The following NYAP2 variants were observed in gnomAD, a reference collection of about 807,000 sequenced individuals.
NYAP2 encodes neuronal tyrosine-phosphorylated phosphoinositide-3-kinase adaptor 2.
In NYAP2, 23 loss-of-function variants were observed where a neutral mutation model predicts 50.4. That is an observed-to-expected ratio of 0.46 (90% confidence interval 0.33 to 0.65). NYAP2 has a LOEUF of 0.65. NYAP2 is among the 30% of genes least tolerant of loss of function. NYAP2 has a pLI of 0.02. For missense variants in NYAP2, 885 were observed against 861.0 expected (o/e 1.03, Z -0.35); for synonymous variants, 394 against 365.2 (o/e 1.08, Z -0.90).
the NYAP2 span, among the ~76,000 whole-genome samples, chr2:225,682,380 A>C: frequency 3.3e-4 from 50 of 152,192 alleles, 1 homozygote; most frequent in Admixed American, 1.6e-3. Context: ...TAAAATGAGG[A>C]AGAAGATATG....
At chr2:225,483,986 A>G (rs925471023) in intron 3 of NYAP2, among the ~76,000 whole-genome samples, 4 of 152,212 alleles carry the variant, frequency 2.6e-5, no homozygotes, top group Non-Finnish European at 4.4e-5. Context: ...CACACTTGCC[A>G]AGGTTGTGGT....
At chr2:225,606,789 A>C (rs1007411339) in intron 5 of NYAP2, among the ~76,000 whole-genome samples, 2 of 152,114 alleles carry the variant, frequency 1.3e-5, no homozygotes, top group Non-Finnish European at 2.9e-5. Flanking sequence ...ATTCTCTTGA[A>C]TATCTCATAA....
intron 5 of NYAP2, among the ~76,000 whole-genome samples, chr2:225,584,242 G>A (rs1692352468): frequency 6.6e-6 from 1 of 152,070 alleles, no homozygotes; most frequent in Non-Finnish European, 1.5e-5. Flanking sequence ...AAAAGCCATG[G>A]TGATTTTACA....
At chr2:225,657,628 CA>C (rs1222682645), downstream of NYAP2, among the ~76,000 whole-genome samples, 2 of 133,664 alleles carry the variant, frequency 1.5e-5, no homozygotes, top group Non-Finnish European at 3.3e-5. Flanking sequence ...AAAGTAAAAA[CA>C]AAAACCAAAA....
intron 5 of NYAP2, among the ~76,000 whole-genome samples, chr2:225,624,873 G>A (rs1029834273): frequency 4.0e-5 from 6 of 151,472 alleles, no homozygotes; most frequent in African/African-American, 1.2e-4. Context: ...GAGGTGACAT[G>A]GGTCACAGCC....
chr2:225,417,624 A>T (rs1260251285), intron 3 of NYAP2, among the ~76,000 whole-genome samples: 1 of 152,194 alleles, frequency 6.6e-6, no homozygotes, highest in African/African-American at 2.4e-5. Flanking sequence ...TATTTTAATT[A>T]GTAAATTGCA....
chr2:225,614,768 T>C (rs1692958264), intron 5 of NYAP2, among the ~76,000 whole-genome samples: 1 of 152,228 alleles, frequency 6.6e-6, no homozygotes, highest in African/African-American at 2.4e-5. Context: ...GGGCAGAAGC[T>C]GAGTGCTACA....
At chr2:225,642,225 G>A (rs1693545864) in intron 6 of NYAP2, among the ~76,000 whole-genome samples, 1 of 152,118 alleles carries the variant, frequency 6.6e-6, no homozygotes, top group African/African-American at 2.4e-5. Context: ...CAAGGCTACT[G>A]ATGAAGCTGG....
rs146172904 is a variant in NYAP2 at position 225,613,556 on chromosome 2, T to C, written c.1619-13361T>C. 6.4e-3 allele frequency among the ~76,000 whole-genome samples: 970 copies of C among 152,224 alleles called. 33 individuals carry two copies. The highest frequency in any genetic ancestry group is 0.054 in the Admixed American group (828 of 15,274). ...AATTGACACCTAAAATTAACCATCA[T>C]ATTAAAAACTGGAAATAACATTTGT... On this transcript the variant is annotated intron_variant, in intron 5 of 6. Transcript: ENST00000636099.
chr2:225,428,120 C>T (rs370631537), intron 3 of NYAP2, among the ~76,000 whole-genome samples: 1 of 152,102 alleles, frequency 6.6e-6, no homozygotes, highest in Non-Finnish European at 1.5e-5. Context: ...GAACTCTGTA[C>T]GAGAGAGTAG....
At chr2:225,658,811 C>CTACTT (rs1163806944), downstream of NYAP2, among the ~76,000 whole-genome samples, 1 of 152,156 alleles carries the variant, frequency 6.6e-6, no homozygotes, top group Non-Finnish European at 1.5e-5. Context: ...TATTTCCTTT[C>CTACTT]TACTTTAATA....
intron 5 of NYAP2, among the ~76,000 whole-genome samples, chr2:225,611,759 C>G (rs1253822935): frequency 6.6e-6 from 1 of 151,836 alleles, no homozygotes; most frequent in East Asian, 1.9e-4. Flanking sequence ...GTTCACTGTT[C>G]TATTCTTCCA....
intron 4 of NYAP2, among the ~76,000 whole-genome samples, chr2:225,566,684 C>CT (rs1346525192): frequency 1.3e-5 from 2 of 152,206 alleles, no homozygotes; most frequent in Non-Finnish European, 1.5e-5. Context: ...CAAGTGATAG[C>CT]TACAGTGAAC....
exon 4 of NYAP2, chr2:225,513,386 A>G (rs760983175): frequency 6.2e-7 from 1 of 1,614,010 alleles, no homozygotes; most frequent in Admixed American, 1.7e-5. Flanking sequence ...GTGGAGAAGT[A>G]GGGCGAGGCC....
intron 5 of NYAP2, among the ~76,000 whole-genome samples, chr2:225,602,917 G>A (rs2106242814): frequency 6.6e-6 from 1 of 152,014 alleles, no homozygotes; most frequent in African/African-American, 2.4e-5. Context: ...TTTCAAGATT[G>A]TTTTAGCTAT....
At chr2:225,658,186 C>T (rs1693858505), downstream of NYAP2, among the ~76,000 whole-genome samples, 1 of 152,072 alleles carries the variant, frequency 6.6e-6, no homozygotes, top group Non-Finnish European at 1.5e-5. Flanking sequence ...AGCTTCTCAC[C>T]ACCACACAGC....
chr2:225,587,660 A>C (rs1393297451), intron 5 of NYAP2, among the ~76,000 whole-genome samples: 1 of 152,146 alleles, frequency 6.6e-6, no homozygotes, highest in Admixed American at 6.5e-5. Flanking sequence ...AGAGCTTCCA[A>C]ATCTAGCCCC....
At chr2:225,555,574 C>T (rs958961070) in intron 4 of NYAP2, among the ~76,000 whole-genome samples, 3 of 152,154 alleles carry the variant, frequency 2.0e-5, no homozygotes, top group Non-Finnish European at 4.4e-5. Context: ...TGTGACCCAT[C>T]CATCTAGTTT....
intron 3 of NYAP2, among the ~76,000 whole-genome samples, chr2:225,443,098 C>T (rs2106142126): frequency 6.6e-6 from 1 of 152,276 alleles, no homozygotes; most frequent in Admixed American, 6.5e-5. Flanking sequence ...TTACCTTCCA[C>T]TGGGTGCCTC....
Sources: allele counts gnomAD v4.1 joint callset (sites outside exome capture counted in the v4.1 genomes callset), GRCh38; gene constraint gnomAD v4.1.1; transcripts MANE v1.5; gene names NCBI Gene and HGNC (gene_info 2026-07-23, HGNC 2026-07-21).